Variants in CTCFL observed in about 807,000 individuals in gnomAD.
The protein encoded by CTCFL is CCCTC-binding factor like, also known as transcriptional repressor CTCFL.
CTCFL carries 36 observed loss-of-function variants against 67.4 expected under a neutral mutation model. That is an observed-to-expected ratio of 0.53 (90% CI 0.41 to 0.71). CTCFL has a LOEUF of 0.71. Among genes scored for constraint, CTCFL ranks in the 30% least tolerant of loss-of-function variants. The probability of loss-of-function intolerance (pLI) is 0.00; values close to 1 mark genes in which losing one functional copy is unlikely to be tolerated. For missense variants in CTCFL, 786 were observed against 835.2 expected (o/e 0.94, Z 0.73); for synonymous variants, 324 against 302.3 (o/e 1.07, Z -0.75).
At chr20:57,507,322 G>A in intron 9 of CTCFL, 2 of 453,124 alleles carry the variant, frequency 4.4e-6, no homozygotes, top group Non-Finnish European at 4.0e-6. Context: ...CACCCAAGTA[G>A]CTGGGATTAC....
intron 10 of CTCFL, among the ~76,000 whole-genome samples, chr20:57,501,043 G>A (rs2067886335): frequency 6.6e-6 from 1 of 152,210 alleles, no homozygotes; most frequent in African/African-American, 2.4e-5. Context: ...GTGCGCTGAT[G>A]AACTGTGGGT....
At chr20:57,517,789 G>T (rs933914647) in intron 5 of CTCFL, among the ~76,000 whole-genome samples, 1 of 151,926 alleles carries the variant, frequency 6.6e-6, no homozygotes, top group African/African-American at 2.4e-5. Context: ...CACTGGGGGA[G>T]GGTCTCGTGG....
intron 9 of CTCFL, among the ~76,000 whole-genome samples, chr20:57,505,943 C>G (rs2068185649): frequency 6.6e-6 from 1 of 152,226 alleles, no homozygotes; most frequent in Non-Finnish European, 1.5e-5. Context: ...TTTTGACTTT[C>G]CCACTGTGCT....
chr20:57,502,028 G>A (rs923019621), intron 10 of CTCFL, among the ~76,000 whole-genome samples: 1 of 152,240 alleles, frequency 6.6e-6, no homozygotes, highest in Non-Finnish European at 1.5e-5. Flanking sequence ...GAGGAGAAAG[G>A]AGGGTGCTCC....
chr20:57,503,443 G>A lies in CTCFL; in HGVS notation c.1833C>T (p.Asn611=), dbSNP rs138934649. Residue 611 remains asparagine (N), a synonymous_variant, in exon 10 of 11, where the codon AAC becomes AAT. Coordinates refer to ENST00000243914, the MANE Select transcript of CTCFL (RefSeq NM_001386993.1). ...EAAKGWKEAA[N]GDEAAAEEAS... Reference sequence around the variant, plus strand: ...TCTGCGTAAAATCAGTACCGTCTCCGTTCGCGGCTTCCTTCCATCCCTTCG... The same window carrying A: ...TCTGCGTAAAATCAGTACCGTCTCCATTCGCGGCTTCCTTCCATCCCTTCG... 1.7e-3 allele frequency: 2,720 copies of A among 1,614,122 alleles called. 6 individuals carry two copies. Among genetic ancestry groups the A allele is most frequent in the Middle Eastern group, 2.5e-3 (15 of 6,062 alleles).
intron 10 of CTCFL, among the ~76,000 whole-genome samples, chr20:57,502,012 T>A (rs2067942912): frequency 1.3e-5 from 2 of 152,216 alleles, no homozygotes; most frequent in Admixed American, 6.5e-5. Flanking sequence ...TAATTGCCGA[T>A]GCCTGGAGGA....
At chr20:57,512,060 G>C (rs960396639) in intron 8 of CTCFL, among the ~76,000 whole-genome samples, 3 of 152,224 alleles carry the variant, frequency 2.0e-5, no homozygotes, top group Non-Finnish European at 4.4e-5. Context: ...AGCTTTGGAA[G>C]ACAGTGGAGG....
chr20:57,517,878 G>C (rs1056618127), intron 5 of CTCFL, among the ~76,000 whole-genome samples: 4 of 152,146 alleles, frequency 2.6e-5, no homozygotes, highest in Non-Finnish European at 4.4e-5. Flanking sequence ...AGGTGACTCT[G>C]TTCCCTGATC....
chr20:57,508,864 A>G lies in CTCFL; in HGVS notation c.1492-76T>C, dbSNP rs891092845. ...GATATTAGACACTGTTTATCATACA[A>G]TACCTTTTATTTCCCTCCCCAAAGA... On this transcript the variant is annotated intron_variant, in intron 8 of 10. Coordinates refer to ENST00000243914, the MANE Select transcript of CTCFL (RefSeq NM_001386993.1). The G allele has an allele frequency of 3.1e-6, 4 of 1,305,230 alleles. No individual in the cohort carries two copies. In the Admixed American group the frequency reaches 6.2e-5, roughly 20 times the overall value. The allele number at this position is 1,305,230 out of a possible 1,614,324, so 80.9% of individuals were successfully genotyped here.
intron 10 of CTCFL, among the ~76,000 whole-genome samples, chr20:57,500,727 TCTCAA>T (rs1366121585): frequency 2.6e-5 from 4 of 152,184 alleles, no homozygotes; most frequent in African/African-American, 4.8e-5. Context: ...ATAAGAACCT[TCTCAA>T]CTCTTCTCCA....
At chr20:57,524,412 AG>A in intron 1 of CTCFL, 196 bp from the exon 2 acceptor site, 1 of 1,415,108 alleles carries the variant, frequency 7.1e-7, no homozygotes, top group Non-Finnish European at 9.2e-7. Flanking sequence ...AGCAGGATTT[AG>A]GCTAAAGCAG....
downstream of CTCFL, among the ~76,000 whole-genome samples, chr20:57,496,959 G>A (rs1022613312): frequency 9.2e-5 from 14 of 151,588 alleles, no homozygotes; most frequent in African/African-American, 3.1e-4. Flanking sequence ...CTGGGTATAC[G>A]GTATATCTGG....
chr20:57,520,853 C>T (rs567528989), intron 3 of CTCFL, among the ~76,000 whole-genome samples: 2 of 152,322 alleles, frequency 1.3e-5, no homozygotes, highest in East Asian at 1.9e-4. Flanking sequence ...CAGAAAGGGT[C>T]TTTGCAGATG....
At chr20:57,501,253 A>G (rs916353237) in intron 10 of CTCFL, among the ~76,000 whole-genome samples, 10 of 152,204 alleles carry the variant, frequency 6.6e-5, no homozygotes, top group Non-Finnish European at 1.5e-5. Context: ...AAAGAACCAA[A>G]TAAGCGTGAA....
Position 57,518,679 on chromosome 20 carries a change from TGTTA to T in CTCFL, c.1059+75_1059+78del. 6.2e-6 allele frequency: 10 copies of T among 1,611,084 alleles called. 1 individual carries two copies. In the African/African-American group the frequency reaches 9.3e-5, roughly 15 times the overall value. ...AAAGCCTGTTTGTAACAGATTCTAC[TGTTA>T]GTTACACTTGGAGTAACTTGTACAG... On this transcript the variant is annotated intron_variant, in intron 5 of 10. Transcript: ENST00000243914.
intron 8 of CTCFL, among the ~76,000 whole-genome samples, chr20:57,510,498 T>C (rs2068478715): frequency 6.6e-6 from 1 of 152,242 alleles, no homozygotes; most frequent in South Asian, 2.1e-4. Flanking sequence ...TATAAAACTA[T>C]TTGTTGTTGT....
Position 57,523,077 on chromosome 20 carries a change from T to G in CTCFL, c.745A>C (p.Lys249Gln), listed in dbSNP as rs770243354. Reference sequence around the variant, plus strand: ...AGATGAACTGGCCTACCCTTTGTCTTTCTTTGATTTTTTGTAGATTTGGCC... The same window carrying G: ...AGATGAACTGGCCTACCCTTTGTCTGTCTTTGATTTTTTGTAGATTTGGCC... Reference protein sequence around the residue: ...EKAKSTKNQRKTKGAKGTFHC... With the variant: ...EKAKSTKNQRQTKGAKGTFHC... Residue 249 changes from lysine to glutamine, a missense_variant, in exon 3 of 11, where the codon AAG becomes CAG. Physicochemically the swap from Lys to Gln is moderately conservative, Grantham distance 53. Coordinates refer to ENST00000243914, the MANE Select transcript of CTCFL (RefSeq NM_001386993.1). 32 of 1,613,340 alleles carry G rather than the reference T, an allele frequency of 2.0e-5. No homozygotes were observed. Among genetic ancestry groups the G allele is most frequent in the Non-Finnish European group, 2.5e-5 (30 of 1,179,704 alleles).
Position 57,498,584 on chromosome 20 carries a change from G to A in CTCFL, c.1958C>T (p.Thr653Ile). 1.2e-6 allele frequency: 2 copies of A among 1,614,048 alleles called. No homozygotes were observed. The highest frequency in any genetic ancestry group is 1.7e-6 in the Non-Finnish European group (2 of 1,179,980). ...CATCGTGTTGAGGAGCATTTCACAG[G>A]TCACGCCTTCATCCACTTCCTCTTT... ...RVKEEVDEGV[T>I]CEMLLNTMDK Residue 653 changes from threonine (T) to isoleucine (I), a missense_variant, in exon 11 of 11, where the codon ACC becomes ATC. Thr to Ile is a moderately conservative substitution (Grantham distance 89). This residue lies in a region of CTCFL where 199 missense variants were observed against 196.7 expected (regional missense o/e 1.01). Transcript: ENST00000243914.
intron 8 of CTCFL, among the ~76,000 whole-genome samples, chr20:57,509,571 G>A (rs2068425860): frequency 6.6e-6 from 1 of 152,100 alleles, no homozygotes; most frequent in Non-Finnish European, 1.5e-5. Context: ...CCTAAATAGA[G>A]ATTTTATCTT....
Sources: gnomAD v4.1 joint callset for allele counts (sites outside exome capture counted in the v4.1 genomes callset) on GRCh38, gnomAD v4.1.1 for gene constraint, gnomAD v4.1.1 regional missense constraint, MANE v1.5 for transcripts, NCBI Gene and HGNC (gene_info 2026-07-23, HGNC 2026-07-21) for gene names.